DOK6: variants seen among roughly 807,000 people sequenced by gnomAD.
The protein encoded by DOK6 is docking protein 6.
Under a neutral mutation model 44.0 loss-of-function variants are expected in DOK6, and 22 were observed. The observed-to-expected ratio is 0.50, with a 90% CI of 0.36 to 0.71. The LOEUF is 0.71. Ranked by LOEUF, DOK6 falls within the 30% of genes least tolerant of loss-of-function variation. The pLI, the probability that DOK6 is intolerant of heterozygous loss-of-function variation, is 0.00. For missense variants in DOK6, 340 were observed against 416.4 expected, an observed-to-expected ratio of 0.82 and a Z score of 1.60; for synonymous variants, 166 against 145.5, an observed-to-expected ratio of 1.14 and a Z score of -1.01.
chr18:69,446,889 C>G (rs964919953), intron 1 of DOK6, among the ~76,000 whole-genome samples: 5 of 152,144 alleles, frequency 3.3e-5, no homozygotes, highest in Admixed American at 3.3e-4. Context: ...CCTTTGCCTA[C>G]TTTTTGATGG....
At chr18:69,436,341 CCA>C (rs768651409) in intron 1 of DOK6, among the ~76,000 whole-genome samples, 5 of 151,964 alleles carry the variant, frequency 3.3e-5, no homozygotes, top group East Asian at 3.9e-4. Context: ...CTGACAGGCC[CCA>C]GTGTATTATG....
chr18:69,545,443 T>C (rs1440327251), intron 1 of DOK6, among the ~76,000 whole-genome samples: 3 of 149,820 alleles, frequency 2.0e-5, no homozygotes, highest in African/African-American at 7.3e-5. Context: ...CATGTGTGTA[T>C]TTTCTCCTGG....
intron 1 of DOK6, among the ~76,000 whole-genome samples, chr18:69,554,794 A>T (rs1051310368): frequency 2.0e-5 from 3 of 152,258 alleles, no homozygotes; most frequent in African/African-American, 4.8e-5. Flanking sequence ...AACACTTGGT[A>T]TTATCAGTAT....
intron 4 of DOK6, 115 bp downstream of exon 4, chr18:69,677,968 G>A: frequency 1.4e-6 from 2 of 1,419,956 alleles, no homozygotes; most frequent in Non-Finnish European, 1.9e-6. Flanking sequence ...AATCAAAAAG[G>A]CCGAGTGCAG....
chr18:69,840,656 T>G (rs543714140), intron 7 of DOK6, among the ~76,000 whole-genome samples: 1 of 152,326 alleles, frequency 6.6e-6, no homozygotes, highest in South Asian at 2.1e-4. Flanking sequence ...GCTTAATTGT[T>G]TGGGTTAACC....
At chr18:69,434,987 G>GGAAGGAAGGAAGGAAGGAAA (rs1978920073) in intron 1 of DOK6, among the ~76,000 whole-genome samples, 1 of 133,120 alleles carries the variant, frequency 7.5e-6, no homozygotes, top group Admixed American at 7.7e-5. Flanking sequence ...AAGGAAAGAA[G>GGAAGGAAGGAAGGAAGGAAA]GAAGGAAGGA....
chr18:69,615,152 T>C (rs1269398136), intron 3 of DOK6, among the ~76,000 whole-genome samples: 1 of 152,154 alleles, frequency 6.6e-6, no homozygotes, highest in African/African-American at 2.4e-5. Flanking sequence ...TAACCCCAAA[T>C]AATAGCTGGT....
intron 3 of DOK6, among the ~76,000 whole-genome samples, chr18:69,656,951 TC>T (rs1420349255): frequency 6.6e-6 from 1 of 152,168 alleles, no homozygotes; most frequent in African/African-American, 2.4e-5. Context: ...TCCAGGTATT[TC>T]TAATGCATAA....
chr18:69,623,655 A>G (rs1377240197), intron 3 of DOK6, among the ~76,000 whole-genome samples: 1 of 152,220 alleles, frequency 6.6e-6, no homozygotes, highest in East Asian at 1.9e-4. Flanking sequence ...AAATTCCTCT[A>G]ATGATTATTA....
Position 69,425,261 on chromosome 18 carries a change from A to G in DOK6, c.66+23951A>G, listed in dbSNP as rs963819725. 4.6e-5 allele frequency among the ~76,000 whole-genome samples: 7 copies of G among 151,962 alleles called. No homozygotes were observed. The East Asian group carries it at 1.4e-3, about 29-fold the overall frequency. ...TCCAGTTTTTTTATTATATATATTT[A>G]TGTTTATATAATAATTTTTTCTTTT... On this transcript the variant is annotated intron_variant, in intron 1 of 7. Coordinates refer to ENST00000382713, the MANE Select transcript of DOK6 (RefSeq NM_152721.6).
intron 1 of DOK6, among the ~76,000 whole-genome samples, chr18:69,445,080 AT>A (rs1979246869): frequency 6.6e-6 from 1 of 152,140 alleles, no homozygotes; most frequent in East Asian, 1.9e-4. Context: ...TAAGTATTAT[AT>A]TCTTTTTGAT....
chr18:69,683,627 A>G (rs555543979), intron 4 of DOK6, among the ~76,000 whole-genome samples: 1 of 152,342 alleles, frequency 6.6e-6, no homozygotes, highest in Non-Finnish European at 1.5e-5. Flanking sequence ...ACCAGAAGCT[A>G]GAAAAAGCAA....
chr18:69,701,528 T>TA lies in DOK6; in HGVS notation c.599+2936dup, dbSNP rs1986520642. ...CTGACTTGACATTTTTACTTCATGT[T>TA]ACCTCATAAATATTGTAAGCAAAAA... On this transcript the variant is annotated intron_variant, in intron 5 of 7. Coordinates refer to ENST00000382713, the MANE Select transcript of DOK6 (RefSeq NM_152721.6). Among the ~76,000 whole-genome samples the TA allele has an allele frequency of 2.0e-5, 3 of 152,232 alleles. No homozygotes were observed. The South Asian group carries it at 6.2e-4, about 32-fold the overall frequency.
At chr18:69,566,119 ATTT>A (rs1982972333) in intron 2 of DOK6, among the ~76,000 whole-genome samples, 1 of 16,156 alleles carries the variant, frequency 6.2e-5, no homozygotes, top group Non-Finnish European at 1.7e-4. Flanking sequence ...CGGTTTATTT[ATTT>A]ATTTATTTAT....
intron 5 of DOK6, among the ~76,000 whole-genome samples, chr18:69,713,236 C>T (rs1986808839): frequency 6.6e-6 from 1 of 152,100 alleles, no homozygotes; most frequent in African/African-American, 2.4e-5. Flanking sequence ...GAACTTGTGA[C>T]AATTATTCAA....
chr18:69,788,295 T>A (rs1271269728), intron 7 of DOK6, among the ~76,000 whole-genome samples: 2 of 152,230 alleles, frequency 1.3e-5, no homozygotes, highest in Non-Finnish European at 2.9e-5. Flanking sequence ...TGTGTGTTAA[T>A]GTCTTTAGGA....
chr18:69,562,435 G>A (rs1196498867), intron 1 of DOK6, among the ~76,000 whole-genome samples: 1 of 152,142 alleles, frequency 6.6e-6, no homozygotes, highest in Non-Finnish European at 1.5e-5. Flanking sequence ...GGTTACTGTA[G>A]CCTTGCAGTA....
At chr18:69,644,857 T>C (rs1007907593) in intron 3 of DOK6, among the ~76,000 whole-genome samples, 4 of 152,226 alleles carry the variant, frequency 2.6e-5, no homozygotes, top group Non-Finnish European at 4.4e-5. Flanking sequence ...ATCTTCTAAG[T>C]AAAGCAAATC....
intron 5 of DOK6, among the ~76,000 whole-genome samples, chr18:69,732,685 C>A (rs141134180): frequency 6.6e-6 from 1 of 152,276 alleles, no homozygotes; most frequent in Non-Finnish European, 1.5e-5. Flanking sequence ...ATTGTGCCAT[C>A]ACTGAGTACA....
Sources: gnomAD v4.1 joint callset for allele counts (sites outside exome capture counted in the v4.1 genomes callset) on GRCh38, gnomAD v4.1.1 for gene constraint, MANE v1.5 for transcripts, NCBI Gene and HGNC (gene_info 2026-07-23, HGNC 2026-07-21) for gene names.